MYO19: variants seen among roughly 807,000 people sequenced by gnomAD.
MYO19 encodes the protein unconventional myosin-XIX.
MYO19 carries 132 observed loss-of-function variants against 129.2 expected under a neutral mutation model. The observed-to-expected ratio is 1.02, with a 90% confidence interval of 0.89 to 1.18. The LOEUF is 1.18. Ranked by LOEUF, MYO19 falls within the 50% of genes most tolerant of loss-of-function variation. The pLI is 0.00. For synonymous variants in MYO19, 531 were observed against 477.2 expected (o/e 1.11, Z -1.47); for missense variants, 1,210 against 1,216.7 (o/e 0.99, Z 0.08).
chr17:36,541,148 C>T (rs1252389502), intron 2 of MYO19, among the ~76,000 whole-genome samples: 3 of 151,870 alleles, frequency 2.0e-5, no homozygotes, highest in East Asian at 1.9e-4. Flanking sequence ...GGGGTTTCAC[C>T]GTTAGCCAAG....
Position 36,500,846 on chromosome 17 carries a change from G to C in MYO19, c.2361C>G (p.Val787=), listed in dbSNP as rs934133473. 6.3e-7 allele frequency: 1 copy of C among 1,598,250 alleles called. No individual in the cohort carries two copies. Reference sequence around the variant, plus strand: ...CCCACCTACCTGCCTGGATGAGCATGACGGCCCGCCACTGCCGCTCCTGCT... The same window carrying C: ...CCCACCTACCTGCCTGGATGAGCATCACGGCCCGCCACTGCCGCTCCTGCT... ...HREQERQWRA[V]MLIQAAIRSW... The change falls in exon 23 of 26, where the codon GTC becomes GTG. Residue 787 remains valine, a synonymous_variant. Coordinates refer to ENST00000614623, the MANE Select transcript of MYO19 (RefSeq NM_001163735.2).
intron 6 of MYO19, 42 bp from the exon 7 acceptor site, chr17:36,516,032 C>T (rs769921432): frequency 3.8e-6 from 6 of 1,571,716 alleles, no homozygotes; most frequent in Admixed American, 3.5e-5. Flanking sequence ...TCTATGCTCC[C>T]GCCCACTTCT....
In MYO19 at chr17:36,519,053, C is replaced by T. The variant is rs142076616; in HGVS notation, c.415-3063G>A. Among the ~76,000 whole-genome samples, 72 of 152,244 alleles carry T rather than the reference C, an allele frequency of 4.7e-4. No individual in the cohort carries two copies. In the East Asian group the frequency reaches 0.014, roughly 29 times the overall value. On this transcript the variant is annotated intron_variant, in intron 6 of 25. Coordinates refer to ENST00000614623, the MANE Select transcript of MYO19 (RefSeq NM_001163735.2). ...GGGACTACAGGCACAAGCCACCACGCTTGGCTAATTTTTGTATTTTTTTGT... is the reference window on the plus strand; with the variant it reads ...GGGACTACAGGCACAAGCCACCACGTTTGGCTAATTTTTGTATTTTTTTGT...
At position 36,510,599 on chromosome 17, in the gene MYO19, G is replaced by C. The variant is rs1417530842; in HGVS notation, c.1157+147C>G. 5.9e-6 allele frequency: 5 copies of C among 847,702 alleles called. No homozygotes were observed. In the East Asian group the frequency reaches 1.3e-4, roughly 23 times the overall value. The allele number at this position is 847,702 out of a possible 1,614,324, so 52.5% of individuals were successfully genotyped here. A position where few individuals can be genotyped will look rare whatever the true frequency, so the allele number is the denominator to read the frequency against. ...TGGGAGCTGTGCCCTGATGTGTCCA[G>C]GGGTTTGAGGAGCAGGGAGAGGAAC... On this transcript the variant is annotated intron_variant, in intron 13 of 25. Transcript: ENST00000614623.
Position 36,528,161 on chromosome 17 carries a change from C to A in MYO19, c.54G>T (p.Glu18Asp), listed in dbSNP as rs773391908. ...HNPGSDGQAR[E>D]YLREDLQEFL... ...ACTCCTGCAGGTCTTCTCTGAGGTA[C>A]TCCCTGGCTTGGCCATCAGACCCCG... Residue 18 changes from glutamate (E) to aspartate (D), a missense_variant, in exon 4 of 26, where the codon GAG (glutamate) becomes GAT (aspartate). By Grantham distance (45) the Glu-to-Asp change is conservative. Coordinates refer to ENST00000614623, the MANE Select transcript of MYO19 (RefSeq NM_001163735.2). 1 of 1,608,044 alleles carries A rather than the reference C, an allele frequency of 6.2e-7. No individual in the cohort carries two copies. Among genetic ancestry groups the A allele is most frequent in the Non-Finnish European group, 8.5e-7 (1 of 1,177,062 alleles).
upstream of MYO19, chr17:36,538,254 CTTAGTAGTTTAT>C (rs746066103): frequency 3.7e-6 from 6 of 1,613,176 alleles, no homozygotes; most frequent in South Asian, 6.6e-5. Flanking sequence ...CCTGATCCTT[CTTAGTAGTTTAT>C]TACTGGGTGA....
chr17:36,514,997 C>G, intron 8 of MYO19, 116 bp downstream of exon 8: 1 of 835,312 alleles, frequency 1.2e-6, no homozygotes. Flanking sequence ...AAAGGGCATG[C>G]ACCAGGAGGA....
intron 19 of MYO19, chr17:36,504,253 G>A: frequency 2.0e-6 from 1 of 494,030 alleles, no homozygotes; most frequent in Non-Finnish European, 3.6e-6. Context: ...CCGACGCATG[G>A]CTTCTGATAC....
chr17:36,528,988 G>T (rs2073665111), intron 3 of MYO19, among the ~76,000 whole-genome samples: 1 of 152,082 alleles, frequency 6.6e-6, no homozygotes, highest in Non-Finnish European at 1.5e-5. Flanking sequence ...TCTGAGAGAG[G>T]TAGCCCCATG....
intron 6 of MYO19, among the ~76,000 whole-genome samples, chr17:36,518,527 A>AAT (rs1555581707): frequency 0.13 from 5,278 of 40,964 alleles, 341 homozygotes; most frequent in South Asian, 0.18. Flanking sequence ...AAAAAAAAAA[A>AAT]ATATATATAT....
At chr17:36,498,943 G>A (rs2071249756) in intron 24 of MYO19, 132 bp downstream of exon 24, 2 of 680,788 alleles carry the variant, frequency 2.9e-6, no homozygotes, top group Non-Finnish European at 2.6e-6. Context: ...TGAGGAATAT[G>A]AGGCTCAGAG....
intron 2 of MYO19, chr17:36,533,666 G>A (rs1259411318): frequency 2.0e-5 from 3 of 152,218 alleles, no homozygotes; most frequent in Admixed American, 6.5e-5. Context: ...GACCACTTAA[G>A]GTGTGGTGCT....
In MYO19 at chr17:36,503,837, T is replaced by C. The variant is rs2071696667; in HGVS notation, c.1976+113A>G. On this transcript the variant is annotated intron_variant, in intron 20 of 25. Transcript: ENST00000614623. The stretch of plus-strand genomic sequence containing the variant: ...CCCAGCTGACTTCTACAGACCAGCC[T>C]CTTTCTCTTCATTTCCACATCTCAC... 10 of 876,182 alleles carry C rather than the reference T, an allele frequency of 1.1e-5. No individual in the cohort carries two copies. In the South Asian group the frequency reaches 2.2e-4, roughly 19 times the overall value. The allele number at this position is 876,182 out of a possible 1,614,324, so 54.3% of individuals were successfully genotyped here.
chr17:36,512,574 C>T, intron 11 of MYO19: 1 of 1,236,356 alleles, frequency 8.1e-7, no homozygotes, highest in Non-Finnish European at 1.0e-6. Flanking sequence ...ATGCCCACCC[C>T]CAAAGCACTC....
chr17:36,511,143 T>C (rs1488974704), intron 12 of MYO19: 1 of 671,024 alleles, frequency 1.5e-6, no homozygotes, highest in East Asian at 2.7e-5. Context: ...GACAAATCAC[T>C]TTACAAACCT....
intron 6 of MYO19, among the ~76,000 whole-genome samples, chr17:36,520,852 T>C (rs961129691): frequency 1.3e-5 from 2 of 152,266 alleles, no homozygotes; most frequent in South Asian, 2.1e-4. Flanking sequence ...TTAAATTATA[T>C]GCAGATTTTC....
At chr17:36,519,743 T>C (rs2142202900) in intron 6 of MYO19, among the ~76,000 whole-genome samples, 1 of 152,248 alleles carries the variant, frequency 6.6e-6, no homozygotes, top group South Asian at 2.1e-4. Flanking sequence ...AAAGAATTTA[T>C]CACTTCTTGC....
At chr17:36,538,133 A>G (rs2074168765), upstream of MYO19, 1 of 1,614,090 alleles carries the variant, frequency 6.2e-7, no homozygotes, top group African/African-American at 1.3e-5. Flanking sequence ...GTTTTCTTTT[A>G]CTGGCAGCTA....
At chr17:36,514,368 C>T in intron 9 of MYO19, 78 bp downstream of exon 9, 1 of 924,224 alleles carries the variant, frequency 1.1e-6, no homozygotes, top group East Asian at 2.4e-5. Context: ...ATGGAGCATT[C>T]TGGGGAGTGG....
Sources: allele counts gnomAD v4.1 joint callset (sites outside exome capture counted in the v4.1 genomes callset), GRCh38; gene constraint gnomAD v4.1.1; transcripts MANE v1.5; gene names NCBI Gene and HGNC (gene_info 2026-07-23, HGNC 2026-07-21).